Variants in LRP2 observed in about 807,000 individuals in gnomAD.
LRP2 encodes LDL receptor related protein 2.
LRP2 carries 172 observed loss-of-function variants against 531.0 expected under a neutral mutation model. That is an observed-to-expected ratio of 0.32 (90% confidence interval 0.29 to 0.37). LRP2 has a LOEUF of 0.37. Among genes scored for constraint, LRP2 ranks in the 10% least tolerant of loss-of-function variants. The probability of loss-of-function intolerance (pLI) is 1.00; values close to 1 mark genes in which losing one functional copy is unlikely to be tolerated. For missense variants in LRP2, 5,167 were observed against 5,868.3 expected, an observed-to-expected ratio of 0.88 and a Z score of 3.90; for synonymous variants, 1,992 against 2,027.6, an observed-to-expected ratio of 0.98 and a Z score of 0.47.
Position 169,205,637 on chromosome 2 carries a change from C to T in LRP2, c.7557G>A (p.Gly2519=). 1.2e-6 allele frequency: 2 copies of T among 1,613,196 alleles called. No homozygotes were observed. Among genetic ancestry groups the T allele is most frequent in the Non-Finnish European group, 1.7e-6 (2 of 1,179,778 alleles). Residue 2519 remains glycine (G), a splice_region_variant and synonymous_variant, in exon 41 of 79, where the codon GGG becomes GGA. Coordinates refer to ENST00000649046, the MANE Select transcript of LRP2 (RefSeq NM_004525.3). Reference sequence around the variant, plus strand: ...TATCCCAGTCAGCCCAGTACAGGTACCTAGTCATACAAAAGGAGTCAATAA... The same window carrying T: ...TATCCCAGTCAGCCCAGTACAGGTATCTAGTCATACAAAAGGAGTCAATAA... The part of the protein sequence containing the change: ...PRAIVLDPCQ[G]YLYWADWDTH...
rs546975642 is a variant in LRP2, at chr2:169,146,634, T to A, written c.12811+105A>T. 3.2e-6 allele frequency: 3 copies of A among 944,760 alleles called. No homozygotes were observed. In the African/African-American group the frequency reaches 4.9e-5, roughly 16 times the overall value. The allele number at this position is 944,760 out of a possible 1,614,324, so 58.5% of individuals were successfully genotyped here. On this transcript the variant is annotated intron_variant, in intron 69 of 78. Coordinates refer to ENST00000649046, the MANE Select transcript of LRP2 (RefSeq NM_004525.3). ...GAGGGGTGGTATCTAAAAAACTATATAAGCCATTTCCTAAGAGCAGGGCTC... is the reference window on the plus strand; with the variant it reads ...GAGGGGTGGTATCTAAAAAACTATAAAAGCCATTTCCTAAGAGCAGGGCTC...
intron 1 of LRP2, among the ~76,000 whole-genome samples, chr2:169,356,505 G>A (rs183382757): frequency 1.9e-3 from 282 of 152,272 alleles, no homozygotes; most frequent in African/African-American, 6.4e-3. Context: ...TAACCACCCC[G>A]TGAGGTAGAT....
At chr2:169,160,441 G>C (rs1363914455) in intron 63 of LRP2, among the ~76,000 whole-genome samples, 1 of 151,816 alleles carries the variant, frequency 6.6e-6, no homozygotes, top group Non-Finnish European at 1.5e-5. Context: ...GATGCTTTTG[G>C]AGAAGAAGAA....
intron 27 of LRP2, 102 bp downstream of exon 27, chr2:169,237,989 G>A (rs113976991): frequency 1.1e-6 from 1 of 939,570 alleles, no homozygotes; most frequent in African/African-American, 1.6e-5. Context: ...TACCATGAGA[G>A]CTACCCAGAT....
chr2:169,129,899 C>T (rs1382811994), intron 77 of LRP2, among the ~76,000 whole-genome samples: 1 of 152,218 alleles, frequency 6.6e-6, no homozygotes, highest in Non-Finnish European at 1.5e-5. Flanking sequence ...AGACAGCCTA[C>T]TCTCAACAGG....
rs199528723 is a variant in LRP2, at chr2:169,172,019, G to C, written c.11259C>G (p.Asn3753Lys). 6.2e-7 allele frequency: 1 copy of C among 1,613,994 alleles called. No homozygotes were observed. Among genetic ancestry groups the C allele is most frequent in the African/African-American group, 1.3e-5 (1 of 74,924 alleles). Residue 3753 changes from asparagine (N) to lysine (K), a missense_variant, in exon 58 of 79, where the codon AAC becomes AAG. Around this residue, in one of 6 missense-constraint regions of LRP2, gnomAD observed 564 missense variants for 747.7 expected, o/e 0.75. Transcript: ENST00000649046. ...CATAGGACTGTGAACACTCACCACA[G>C]TTTTCCTCATCTGAGTTATCTCCAC... Reference protein sequence around the residue: ...NDCGDNSDEENCAPRECTESE... With the variant: ...NDCGDNSDEEKCAPRECTESE...
chr2:169,294,098 A>AAAAC, intron 6 of LRP2, 50 bp downstream of exon 6: 1 of 1,359,740 alleles, frequency 7.4e-7, no homozygotes. Flanking sequence ...AAACCGAAAC[A>AAAAC]AAACAAAACA....
intron 16 of LRP2, among the ~76,000 whole-genome samples, chr2:169,263,455 CAAA>C (rs1321961431): frequency 6.6e-6 from 1 of 151,234 alleles, no homozygotes; most frequent in African/African-American, 2.4e-5. Context: ...AGACACTTCT[CAAA>C]AGAAGACATT....
chr2:169,294,183 T>A lies in LRP2; in HGVS notation c.617A>T (p.Asn206Ile), dbSNP rs772314601. 1.4e-5 allele frequency: 22 copies of A among 1,613,804 alleles called. No individual in the cohort carries two copies. The highest frequency in any genetic ancestry group is 1.7e-5 in the Non-Finnish European group (20 of 1,179,822). The change falls in exon 6 of 79, where the codon AAT (asparagine) becomes ATT (isoleucine). Residue 206 changes from asparagine (N) to isoleucine (I), a missense_variant. Asn to Ile is a moderately radical substitution (Grantham distance 149). Around this residue, in one of 6 missense-constraint regions of LRP2, gnomAD observed 2,811 missense variants for 3,058.0 expected, o/e 0.92. Coordinates refer to ENST00000649046, the MANE Select transcript of LRP2 (RefSeq NM_004525.3). Reference sequence around the variant, plus strand: ...TTCGTCACTGCCGTCTTGGCAATCATTGTCATGGTCACAGACATAAGCACG... The same window carrying A: ...TTCGTCACTGCCGTCTTGGCAATCAATGTCATGGTCACAGACATAAGCACG... ...IPRAYVCDHD[N>I]DCQDGSDEHA...
intron 1 of LRP2, among the ~76,000 whole-genome samples, chr2:169,334,453 C>G (rs183145857): frequency 8.1e-4 from 124 of 152,178 alleles, no homozygotes; most frequent in African/African-American, 2.9e-3. Flanking sequence ...GTGTTGGGTA[C>G]CTATAGTTAC....
rs587780384 is a variant in LRP2, at chr2:169,256,138, A to G, written c.2738T>C (p.Met913Thr). Reference protein sequence around the residue: ...DRRRLGHIEQMTHPFGLAIFG... With the variant: ...DRRRLGHIEQTTHPFGLAIFG... ...GATGGCAAGTCCAAACGGATGTGTC[A>G]TCTGCTCTATATGGCCCAGTCTTCT... Residue 913 changes from methionine to threonine, a missense_variant, in exon 19 of 79, where the codon ATG (methionine) becomes ACG (threonine). This residue lies in a region of LRP2 where 2,811 missense variants were observed against 3,058.0 expected (regional missense o/e 0.92). Transcript: ENST00000649046. 4 of 1,612,960 alleles carry G rather than the reference A, an allele frequency of 2.5e-6. No homozygotes were observed. Among genetic ancestry groups the G allele is most frequent in the Admixed American group, 1.7e-5 (1 of 59,912 alleles).
Position 169,169,774 on chromosome 2 carries a change from G to C in LRP2, c.11425C>G (p.His3809Asp), listed in dbSNP as rs189806678. The C allele has an allele frequency of 6.2e-7, 1 of 1,614,054 alleles. No homozygotes were observed. The highest frequency in any genetic ancestry group is 2.2e-5 in the East Asian group (1 of 44,876). The part of the protein sequence containing the change: ...HPEYFQCTSG[H>D]CVHSELKCDG... ...CATTTCAGTTCACTGTGTACACAAT[G>C]TCCACTTGTACACTGAAAATATTCA... The change falls in exon 60 of 79, where the codon CAT (histidine) becomes GAT (aspartate). Residue 3809 changes from histidine to aspartate, a missense_variant. His to Asp is a moderately conservative substitution (Grantham distance 81). Around this residue, in one of 6 missense-constraint regions of LRP2, gnomAD observed 564 missense variants for 747.7 expected, o/e 0.75. Coordinates refer to ENST00000649046, the MANE Select transcript of LRP2 (RefSeq NM_004525.3).
At chr2:169,197,277 A>G (rs1162518399) in intron 45 of LRP2, among the ~76,000 whole-genome samples, 5 of 152,238 alleles carry the variant, frequency 3.3e-5, no homozygotes, top group Non-Finnish European at 7.4e-5. Context: ...AAAAAATTGT[A>G]TTTGTTAGAA....
intron 8 of LRP2, 98 bp downstream of exon 8, chr2:169,290,747 T>C (rs1166946018): frequency 1.7e-5 from 22 of 1,312,086 alleles, no homozygotes; most frequent in African/African-American, 1.0e-4. Context: ...GGGTGCTTTG[T>C]TATGCAAATG....
intron 14 of LRP2, 119 bp from the exon 15 acceptor site, chr2:169,273,186 G>T: frequency 8.6e-7 from 1 of 1,156,828 alleles, no homozygotes; most frequent in Non-Finnish European, 1.3e-6. Flanking sequence ...TTAGCAACGT[G>T]TTGAAAACAT....
chr2:169,146,737 A>C lies in LRP2; in HGVS notation c.12811+2T>G. ...TATATTACTTTCTAACTAATTTCTA[A>C]CCTTCCTTTGCAATGACTCTCCTAT... On this transcript the variant is annotated splice_donor_variant, in intron 69 of 78. Transcript: ENST00000649046. LOFTEE classifies it high-confidence loss of function. 6.2e-7 allele frequency: 1 copy of C among 1,606,070 alleles called. No individual in the cohort carries two copies. The highest frequency in any genetic ancestry group is 8.5e-7 in the Non-Finnish European group (1 of 1,172,722).
rs754554706 is a variant in LRP2, at chr2:169,162,532, G to A, written c.11827C>T (p.His3943Tyr). ...YKCGNGHCIP[H>Y]DNVCDDADDC... ...TCGGCATCATCACACACATTGTCAT[G>A]TGGAATGCAATGCCCATTGCCACAC... Residue 3943 changes from histidine (H) to tyrosine (Y), a missense_variant, in exon 63 of 79, where the codon CAT becomes TAT. By Grantham distance (83) the His-to-Tyr change is moderately conservative. Around this residue, in one of 6 missense-constraint regions of LRP2, gnomAD observed 564 missense variants for 747.7 expected, o/e 0.75. Transcript: ENST00000649046. 2.5e-6 allele frequency: 4 copies of A among 1,614,042 alleles called. No individual in the cohort carries two copies. The highest frequency in any genetic ancestry group is 3.4e-6 in the Non-Finnish European group (4 of 1,179,994).
intron 77 of LRP2, among the ~76,000 whole-genome samples, chr2:169,131,373 T>C (rs1685283853): frequency 6.6e-6 from 1 of 152,030 alleles, no homozygotes; most frequent in Non-Finnish European, 1.5e-5. Flanking sequence ...TTAGGTCAAA[T>C]TTTATTTTGA....
intron 1 of LRP2, among the ~76,000 whole-genome samples, chr2:169,358,656 T>C (rs1203812230): frequency 2.0e-5 from 3 of 152,200 alleles, no homozygotes; most frequent in African/African-American, 7.2e-5. Flanking sequence ...TAAAAGCTGA[T>C]ACTAACTCTT....
Sources: gnomAD v4.1 joint callset for allele counts (sites outside exome capture counted in the v4.1 genomes callset) on GRCh38, gnomAD v4.1.1 for gene constraint, gnomAD v4.1.1 regional missense constraint, MANE v1.5 for transcripts, NCBI Gene and HGNC (gene_info 2026-07-23, HGNC 2026-07-21) for gene names.